The following PCDH15 variants were observed in gnomAD, a reference collection of about 807,000 sequenced individuals.
The protein encoded by PCDH15 is protocadherin related 15, also known as protocadherin-15.
PCDH15 carries 129 observed loss-of-function variants against 178.5 expected under a neutral mutation model. The ratio of observed to expected loss-of-function variants is 0.72; its 90% CI spans 0.63 to 0.84. PCDH15 has a LOEUF of 0.84. Ranked by LOEUF, PCDH15 falls within the 40% of genes least tolerant of loss-of-function variation. PCDH15 has a pLI of 0.00. For missense variants in PCDH15, 2,230 were observed against 2,099.9 expected (o/e 1.06, Z -1.21); for synonymous variants, 800 against 732.0 (o/e 1.09, Z -1.50).
intron 2 of PCDH15, among the ~76,000 whole-genome samples, chr10:55,060,733 G>T (rs754831713): frequency 1.3e-4 from 19 of 151,934 alleles, no homozygotes; most frequent in Non-Finnish European, 1.9e-4. Context: ...ATGCTAAGAA[G>T]TTTCTCATGG....
chr10:55,143,917 G>C (rs1437771072), intron 2 of PCDH15, among the ~76,000 whole-genome samples: 2 of 151,894 alleles, frequency 1.3e-5, no homozygotes, highest in Non-Finnish European at 2.9e-5. Flanking sequence ...TGGGATCTTA[G>C]CCCTTTTTAC....
At position 54,258,359 on chromosome 10, in the gene PCDH15, AAC is replaced by A. The variant is rs770471955; in HGVS notation, c.877-21430_877-21429del. ...AGAGGAAATAACAGATATAAGGAAA[AAC>A]ACAGTGAATATTATTATAGGAATAA... On this transcript the variant is annotated intron_variant, in intron 8 of 37. Coordinates refer to ENST00000644397, the MANE Select transcript of PCDH15 (RefSeq NM_001384140.1). Among the ~76,000 whole-genome samples, 158 of 152,332 alleles carry A rather than the reference AAC, an allele frequency of 1.0e-3. 1 individual carries two copies. Among genetic ancestry groups the A allele is most frequent in the African/African-American group, 3.0e-3 (124 of 41,586 alleles).
chr10:55,460,821 T>C (rs1354575376), intron 2 of PCDH15, among the ~76,000 whole-genome samples: 1 of 152,074 alleles, frequency 6.6e-6, no homozygotes, highest in African/African-American at 2.4e-5. Flanking sequence ...GATATTTTTC[T>C]CTCATAATAA....
intron 2 of PCDH15, chr10:54,528,285 G>C: frequency 1.8e-6 from 2 of 1,123,680 alleles, no homozygotes; most frequent in Non-Finnish European, 2.6e-6. Flanking sequence ...GGTCTAATTA[G>C]AGAGAGTGAA....
At chr10:54,187,550 A>G (rs563072523) in intron 11 of PCDH15, among the ~76,000 whole-genome samples, 184 of 152,008 alleles carry the variant, frequency 1.2e-3, no homozygotes, top group African/African-American at 4.2e-3. Flanking sequence ...CTTATATTGG[A>G]TAAACAGAAA....
chr10:55,418,028 A>C (rs923598122), intron 2 of PCDH15, among the ~76,000 whole-genome samples: 3 of 151,732 alleles, frequency 2.0e-5, no homozygotes, highest in African/African-American at 7.2e-5. Context: ...AGGAAAAGAT[A>C]ATTCTTTGGG....
At chr10:55,553,846 G>A (rs1172188177) in intron 2 of PCDH15, among the ~76,000 whole-genome samples, 5 of 151,908 alleles carry the variant, frequency 3.3e-5, no homozygotes, top group East Asian at 3.9e-4. Context: ...TGATAATGAC[G>A]ATGCTGATAT....
chr10:54,919,604 T>G (rs140991630), intron 2 of PCDH15, among the ~76,000 whole-genome samples: 22 of 152,316 alleles, frequency 1.4e-4, no homozygotes, highest in African/African-American at 5.3e-4. Context: ...TATTTAATTT[T>G]TGGTGTTTTT....
At chr10:55,407,007 C>T (rs991297600) in intron 2 of PCDH15, among the ~76,000 whole-genome samples, 21 of 152,232 alleles carry the variant, frequency 1.4e-4, no homozygotes, top group African/African-American at 4.3e-4. Context: ...AAGCTGAGAG[C>T]TTAAAATGAC....
rs142131816 is a variant in PCDH15, at chr10:54,608,205, C to T, written c.91+55967G>A. On this transcript the variant is annotated intron_variant, in intron 2 of 37. Coordinates refer to ENST00000644397, the MANE Select transcript of PCDH15 (RefSeq NM_001384140.1). ...AGGAGAGGCCAGGTGTGGTGGCTCA[C>T]AACTGTAATCCCAGCACTGTGGGAG... 8.7e-3 allele frequency among the ~76,000 whole-genome samples: 1,311 copies of T among 151,428 alleles called. 22 individuals are homozygous for T. Among genetic ancestry groups the T allele is most frequent in the African/African-American group, 0.028 (1,166 of 41,278 alleles).
chr10:54,132,856 C>CACAT lies in PCDH15; in HGVS notation c.1917+18_1917+19insATGT. On this transcript the variant is annotated intron_variant, in intron 15 of 37. Transcript: ENST00000644397. ...TAGAATTTATACACACACACACACA[C>CACAT]ACACACCAAGGAACATACCTGTAGA... 6.2e-7 allele frequency: 1 copy of CACAT among 1,602,346 alleles called. No individual in the cohort carries two copies. Among genetic ancestry groups the CACAT allele is most frequent in the South Asian group, 1.1e-5 (1 of 89,470 alleles).
intron 2 of PCDH15, among the ~76,000 whole-genome samples, chr10:55,360,684 T>G (rs1845206185): frequency 6.6e-6 from 1 of 151,986 alleles, no homozygotes; most frequent in African/African-American, 2.4e-5. Context: ...ACCTCAAGGC[T>G]CAAACAATGA....
chr10:54,647,512 A>G (rs2094156055), intron 2 of PCDH15, among the ~76,000 whole-genome samples: 1 of 152,010 alleles, frequency 6.6e-6, no homozygotes, highest in Admixed American at 6.6e-5. Flanking sequence ...AAAAGGTAGA[A>G]CCTCTACTTG....
At chr10:54,929,254 C>G (rs184947803) in intron 2 of PCDH15, among the ~76,000 whole-genome samples, 2 of 152,072 alleles carry the variant, frequency 1.3e-5, no homozygotes, top group Non-Finnish European at 2.9e-5. Flanking sequence ...GTATTGGGCC[C>G]CAACTTTGTC....
intron 26 of PCDH15, among the ~76,000 whole-genome samples, chr10:53,880,890 A>G (rs1351319003): frequency 6.6e-6 from 1 of 152,124 alleles, no homozygotes; most frequent in Non-Finnish European, 1.5e-5. Context: ...GTTAATATAA[A>G]CAACCCTCAA....
intron 28 of PCDH15, among the ~76,000 whole-genome samples, chr10:53,856,383 T>TA (rs988105196): frequency 2.0e-5 from 3 of 151,804 alleles, no homozygotes; most frequent in African/African-American, 4.8e-5. Context: ...GAGTTAACTA[T>TA]AACATACTCA....
intron 21 of PCDH15, among the ~76,000 whole-genome samples, chr10:53,991,100 C>T (rs565041683): frequency 2.0e-5 from 3 of 152,280 alleles, no homozygotes; most frequent in Admixed American, 6.5e-5. Flanking sequence ...CCCCCACCCC[C>T]GTGGGCTCCC....
At chr10:55,336,474 G>A (rs755421225) in intron 2 of PCDH15, among the ~76,000 whole-genome samples, 1 of 152,104 alleles carries the variant, frequency 6.6e-6, no homozygotes, top group Admixed American at 6.5e-5. Context: ...CTCCAGCCTG[G>A]CAACAGAGCT....
At chr10:54,736,319 GATCAATA>G (rs1944110088) in intron 1 of PCDH15, among the ~76,000 whole-genome samples, 1 of 151,978 alleles carries the variant, frequency 6.6e-6, no homozygotes, top group Admixed American at 6.6e-5. Flanking sequence ...AGTTTCAAAT[GATCAATA>G]ATCCATTAGA....
Sources: gnomAD v4.1 joint callset for allele counts (sites outside exome capture counted in the v4.1 genomes callset) on GRCh38, gnomAD v4.1.1 for gene constraint, MANE v1.5 for transcripts, NCBI Gene and HGNC (gene_info 2026-07-23, HGNC 2026-07-21) for gene names.